FREM1: variants seen among roughly 807,000 people sequenced by gnomAD.
FREM1 encodes the protein FRAS1-related extracellular matrix protein 1.
A neutral mutation model predicts 210.1 loss-of-function variants in FREM1; 220 were observed. The observed-to-expected ratio is 1.05, with a 90% confidence interval of 0.94 to 1.17. The LOEUF is 1.17. Ranked by LOEUF, FREM1 falls within the 50% of genes most tolerant of loss-of-function variation. FREM1 has a pLI of 0.00. For synonymous variants in FREM1, 1,189 were observed against 980.2 expected (o/e 1.21, Z -3.98); for missense variants, 3,454 against 2,675.5 (o/e 1.29, Z -6.42).
At position 14,808,045 on chromosome 9, in the gene FREM1, A is replaced by G; in HGVS notation, c.2983T>C (p.Tyr995His). ...EAGPFVNGCC[Y>H]NGPNPSVPLH... ...GGAACAGATGGATTGGGTCCATTGTAGCAACAGCCATTCACAAAAGGGCCA... is the reference window on the plus strand; with the variant it reads ...GGAACAGATGGATTGGGTCCATTGTGGCAACAGCCATTCACAAAAGGGCCA... The change falls in exon 17 of 37, where the codon TAC (tyrosine) becomes CAC (histidine). Residue 995 changes from tyrosine to histidine, a missense_variant. Tyr to His is a moderately conservative substitution (Grantham distance 83). Coordinates refer to ENST00000380880, the MANE Select transcript of FREM1 (RefSeq NM_001379081.2). 6.2e-7 allele frequency: 1 copy of G among 1,613,764 alleles called. No individual in the cohort carries two copies. The highest frequency in any genetic ancestry group is 2.2e-5 in the East Asian group (1 of 44,868).
rs1410703075 is a variant in FREM1 at position 14,788,911 on chromosome 9, GC to G, written c.4177+7del. On this transcript the variant is annotated splice_region_variant and intron_variant, in intron 23 of 36. Transcript: ENST00000380880. ...GATCCCAGTAAACCTTGGTAGACGTGCTTTTACCTTTTTCCATGTCCTTGAT... is the reference window on the plus strand; with the variant it reads ...GATCCCAGTAAACCTTGGTAGACGTGTTTTACCTTTTTCCATGTCCTTGAT... 5 of 1,607,644 alleles carry G rather than the reference GC, an allele frequency of 3.1e-6. No individual in the cohort carries two copies. In the African/African-American group the frequency reaches 5.3e-5, roughly 17 times the overall value.
At chr9:14,821,835 A>G (rs71476228) in intron 13 of FREM1, among the ~76,000 whole-genome samples, 24,271 of 152,240 alleles carry the variant, frequency 0.16, 2,453 homozygotes, top group Middle Eastern at 0.27. Context: ...TTTCAAGGGA[A>G]GCTAGGAATC....
chr9:14,789,004 T>C lies in FREM1; in HGVS notation c.4092A>G (p.Gln1364=). The change falls in exon 23 of 37, where the codon CAA becomes CAG. Residue 1364 remains glutamine, a synonymous_variant. Coordinates refer to ENST00000380880, the MANE Select transcript of FREM1 (RefSeq NM_001379081.2). ...CCCAAAGGTAGAAGGTGAAGCTATC[T>C]TGATTCTGGGAATCCATTGCCCCGG... ...THTGAMDSQN[Q]DSFTFYLWDG... 1.2e-6 allele frequency: 2 copies of C among 1,612,732 alleles called. No individual in the cohort carries two copies. The highest frequency in any genetic ancestry group is 1.7e-6 in the Non-Finnish European group (2 of 1,179,430).
At position 14,868,788 on chromosome 9, in the gene FREM1, T is replaced by C; in HGVS notation, c.190A>G (p.Met64Val). ...EKDACKVEVV[M>V]NEPITQRVGK... is the part of the protein sequence containing the mutation. ...ACCCTCTGGGTTATTGGCTCATTCA[T>C]CACAACTTCCACTTTGCAGGCATCT... The change falls in exon 2 of 37, where the codon ATG (methionine) becomes GTG (valine). Residue 64 changes from methionine (M) to valine (V), a missense_variant. By Grantham distance (21) the Met-to-Val change is conservative (BLOSUM62 1). Transcript: ENST00000380880. 1 of 1,613,114 alleles carries C rather than the reference T, an allele frequency of 6.2e-7. No homozygotes were observed. The highest frequency in any genetic ancestry group is 8.5e-7 in the Non-Finnish European group (1 of 1,179,546).
rs200197077 is a variant in FREM1 at position 14,873,251 on chromosome 9, C to T, written c.-267-4007G>A. On this transcript the variant is annotated intron_variant, in intron 1 of 36. Transcript: ENST00000380880. Reference sequence around the variant, plus strand: ...ATAGTTTCAGAAGGAATGGTACCAGCTCCTCCTTGTACCTCTGGTAGAATT... The same window carrying T: ...ATAGTTTCAGAAGGAATGGTACCAGTTCCTCCTTGTACCTCTGGTAGAATT... Among the ~76,000 whole-genome samples the T allele has an allele frequency of 2.2e-4, 33 of 152,262 alleles. 1 individual carries two copies. Among genetic ancestry groups the T allele is most frequent in the South Asian group, 1.0e-3 (5 of 4,820 alleles).
intron 13 of FREM1, among the ~76,000 whole-genome samples, chr9:14,819,921 A>G (rs1196856290): frequency 6.6e-6 from 1 of 152,252 alleles, no homozygotes; most frequent in Non-Finnish European, 1.5e-5. Flanking sequence ...TTGGAGCTTT[A>G]GAACTTCAGT....
intron 14 of FREM1, among the ~76,000 whole-genome samples, chr9:14,818,127 T>G (rs139374193): frequency 1.3e-5 from 2 of 152,214 alleles, no homozygotes; most frequent in African/African-American, 4.8e-5. Context: ...TTGATTACTA[T>G]GCAGATTAAA....
rs141524235 is a variant in FREM1, at chr9:14,848,198, C to G, written c.1261+467G>C. 2.0e-3 allele frequency among the ~76,000 whole-genome samples: 297 copies of G among 152,300 alleles called. 1 individual carries two copies. Among genetic ancestry groups the G allele is most frequent in the South Asian group, 3.3e-3 (16 of 4,824 alleles). ...CATATATATATCACATAAGTCCACT[C>G]AGAATTGAGAGGCATAGAAAGCCAT... On this transcript the variant is annotated intron_variant, in intron 7 of 36. Transcript: ENST00000380880.
At chr9:14,739,237 G>A (rs1031276050) in intron 36 of FREM1, among the ~76,000 whole-genome samples, 7 of 150,892 alleles carry the variant, frequency 4.6e-5, no homozygotes, top group African/African-American at 1.5e-4. Flanking sequence ...CCAAGTAGGT[G>A]GGACTACTGT....
Position 14,788,946 on chromosome 9 carries a change from G to C in FREM1, c.4150C>G (p.Gln1384Glu), listed in dbSNP as rs765108627. ...TTTTCCATGTCCTTGATGGTGATTT[G>C]ACAGTCAAGAGCAGGGGACCTGTTG... is the stretch of plus-strand genomic sequence containing the variant. ...GNNRSPALDC[Q>E]ITIKDMEKGD... The change falls in exon 23 of 37, where the codon CAA (glutamine) becomes GAA (glutamate). Residue 1384 changes from glutamine to glutamate, a missense_variant. Coordinates refer to ENST00000380880, the MANE Select transcript of FREM1 (RefSeq NM_001379081.2). 1.9e-6 allele frequency: 3 copies of C among 1,612,702 alleles called. No homozygotes were observed. The highest frequency in any genetic ancestry group is 2.2e-5 in the East Asian group (1 of 44,886).
In FREM1 at chr9:14,797,645, G is replaced by T. The variant is rs576006764; in HGVS notation, c.3695-3C>A. 2 of 1,603,056 alleles carry T rather than the reference G, an allele frequency of 1.2e-6. No homozygotes were observed. Among genetic ancestry groups the T allele is most frequent in the Non-Finnish European group, 1.7e-6 (2 of 1,174,716 alleles). On this transcript the variant is annotated splice_polypyrimidine_tract_variant and splice_region_variant and intron_variant, in intron 20 of 36. Coordinates refer to ENST00000380880, the MANE Select transcript of FREM1 (RefSeq NM_001379081.2). The stretch of plus-strand genomic sequence containing the variant: ...ATGCATGTACGTCAACCTCATTCCT[G>T]GAAGAAGGAAAAAAAATAAGTAAAT...
At chr9:14,740,898 T>G (rs577043238) in intron 35 of FREM1, among the ~76,000 whole-genome samples, 1 of 152,166 alleles carries the variant, frequency 6.6e-6, no homozygotes, top group East Asian at 1.9e-4. Context: ...TATTTGATTG[T>G]GCCTAATTCC....
intron 35 of FREM1, among the ~76,000 whole-genome samples, chr9:14,742,078 T>C (rs1446264488): frequency 6.6e-6 from 1 of 152,192 alleles, no homozygotes; most frequent in East Asian, 1.9e-4. Flanking sequence ...TTTAGAAAAA[T>C]ATCACTCCTT....
intron 1 of FREM1, among the ~76,000 whole-genome samples, chr9:14,903,940 T>C (rs1484489642): frequency 6.6e-6 from 1 of 151,858 alleles, no homozygotes; most frequent in African/African-American, 2.4e-5. Flanking sequence ...GCTAACACAG[T>C]GAAACCGCGT....
chr9:14,771,010 C>G (rs1847468459), intron 25 of FREM1, among the ~76,000 whole-genome samples: 1 of 152,136 alleles, frequency 6.6e-6, no homozygotes, highest in South Asian at 2.1e-4. Context: ...CAATTTTCCA[C>G]TGTAAACCTT....
intron 13 of FREM1, among the ~76,000 whole-genome samples, chr9:14,820,746 T>C (rs1246719823): frequency 6.6e-6 from 1 of 152,222 alleles, no homozygotes; most frequent in Non-Finnish European, 1.5e-5. Flanking sequence ...CTTCTCTCCC[T>C]ACAACTACCC....
At chr9:14,789,423 TAA>T (rs1165417167) in intron 22 of FREM1, among the ~76,000 whole-genome samples, 1 of 152,206 alleles carries the variant, frequency 6.6e-6, no homozygotes, top group Non-Finnish European at 1.5e-5. Flanking sequence ...TTCCAATTAA[TAA>T]GAGGAGGTGG....
At position 14,785,649 on chromosome 9, in the gene FREM1, C is replaced by A. The variant is rs532977426; in HGVS notation, c.4178-1015G>T. Among the ~76,000 whole-genome samples, 4 of 151,986 alleles carry A rather than the reference C, an allele frequency of 2.6e-5. No individual in the cohort carries two copies. In the South Asian group the frequency reaches 6.2e-4, roughly 24 times the overall value. The stretch of plus-strand genomic sequence containing the variant: ...TGGCACATGCTACAACATGCATGAA[C>A]CTTGGGGACATTATGCTAAGTGAAA... On this transcript the variant is annotated intron_variant, in intron 23 of 36. Transcript: ENST00000380880.
chr9:14,758,416 T>A (rs1384661428), intron 28 of FREM1, among the ~76,000 whole-genome samples: 2 of 152,140 alleles, frequency 1.3e-5, no homozygotes, highest in Admixed American at 1.3e-4. Context: ...TCCAGGCAGA[T>A]TCTTCCTTAT....
Sources: gnomAD v4.1 joint callset for allele counts (sites outside exome capture counted in the v4.1 genomes callset) on GRCh38, gnomAD v4.1.1 for gene constraint, MANE v1.5 for transcripts, NCBI Gene and HGNC (gene_info 2026-07-23, HGNC 2026-07-21) for gene names.